The following GRIP2 variants were observed in gnomAD, a reference collection of about 807,000 sequenced individuals.
GRIP2 encodes glutamate receptor interacting protein 2, also known as glutamate receptor-interacting protein 2.
GRIP2 carries 58 observed loss-of-function variants against 108.3 expected under a neutral mutation model. The observed-to-expected ratio is 0.54, with a 90% CI of 0.43 to 0.67. The LOEUF (loss-of-function observed/expected upper bound fraction) is 0.67, where lower values mean the gene tolerates loss of function less well. Among genes scored for constraint, GRIP2 ranks in the 30% least tolerant of loss-of-function variants. GRIP2 has a pLI of 0.00. For missense variants in GRIP2, 1,278 were observed against 1,430.6 expected (o/e 0.89, Z 1.72); for synonymous variants, 586 against 598.2 (o/e 0.98, Z 0.30).
intron 1 of GRIP2, among the ~76,000 whole-genome samples, chr3:14,530,316 C>T (rs544179632): frequency 5.9e-5 from 9 of 152,318 alleles, no homozygotes; most frequent in East Asian, 1.9e-4. Context: ...GGCTACCAGA[C>T]GCACAAACAT....
intron 23 of GRIP2, 97 bp from the exon 24 acceptor site, chr3:14,493,923 C>T (rs1693491235): frequency 7.3e-7 from 1 of 1,363,212 alleles, no homozygotes; most frequent in African/African-American, 1.5e-5. Flanking sequence ...TGGGTCCTGC[C>T]CCAGCCTTGA....
At chr3:14,579,973 C>T in the GRIP2 span, among the ~76,000 whole-genome samples, 1 of 152,220 alleles carries the variant, frequency 6.6e-6, no homozygotes, top group Non-Finnish European at 1.5e-5. Context: ...CTGTCCATCA[C>T]ATGGGTAACA....
At chr3:14,569,929 C>T in the GRIP2 span, among the ~76,000 whole-genome samples, 57 of 152,234 alleles carry the variant, frequency 3.7e-4, no homozygotes, top group East Asian at 0.011. Context: ...TTAACTCTCA[C>T]AAAAACCTTT....
At chr3:14,555,274 C>T (rs2124985460) in intron 1 of GRIP2, among the ~76,000 whole-genome samples, 1 of 152,120 alleles carries the variant, frequency 6.6e-6, no homozygotes, top group East Asian at 1.9e-4. Context: ...TCCCACCCCT[C>T]CTCCCCCACA....
At chr3:14,550,671 T>A (rs1695132546) in intron 1 of GRIP2, among the ~76,000 whole-genome samples, 1 of 152,152 alleles carries the variant, frequency 6.6e-6, no homozygotes, top group Non-Finnish European at 1.5e-5. Flanking sequence ...GCTTGCGGTC[T>A]TTAGGGGCTG....
At chr3:14,523,118 C>T (rs1694458714) in intron 5 of GRIP2, 43 bp from the exon 6 acceptor site, 1 of 1,486,350 alleles carries the variant, frequency 6.7e-7, no homozygotes, top group Admixed American at 1.8e-5. Context: ...CCACCCACCC[C>T]TTCCCATCCA....
chr3:14,513,634 T>C, intron 13 of GRIP2, 31 bp downstream of exon 13: 2 of 1,585,264 alleles, frequency 1.3e-6, no homozygotes, highest in African/African-American at 1.3e-5. Context: ...GGCCCTGAAA[T>C]ATGAGGAGGA....
At position 14,517,119 on chromosome 3, in the gene GRIP2, AC is replaced by A; in HGVS notation, c.1250del (p.Ser417IlefsTer22). The A allele has an allele frequency of 6.2e-7, 1 of 1,609,030 alleles. No homozygotes were observed. Among genetic ancestry groups the A allele is most frequent in the Non-Finnish European group, 8.5e-7 (1 of 1,178,022 alleles). On this transcript the variant is annotated frameshift_variant, in exon 11 of 24. Coordinates refer to ENST00000621039, the MANE Select transcript of GRIP2 (RefSeq NM_001080423.4). LOFTEE classifies it high-confidence loss of function. ...STLPRGSQPMSPRTTMGRRRQ... is the reference protein window; with the variant it reads ...STLPRGSQPMXPRTTMGRRRQ... ...TCCTCCGCCCCATTGTAGTTCGAGG[AC>A]TCATGGGCTGGGATCCACGGGGAAG...
Position 14,514,302 on chromosome 3 carries a change from G to T in GRIP2, c.1483C>A (p.Pro495Thr). The change falls in exon 12 of 24, where the codon CCG (proline) becomes ACG (threonine). Residue 495 changes from proline (P) to threonine (T), a missense_variant. Physicochemically the swap from Pro to Thr is conservative, Grantham distance 38. Transcript: ENST00000621039. Reference sequence around the variant, plus strand: ...GGGCAGGAGGCTCACCTCTCAGCCGGACTGTCAGGCTCGATGAAGCACACG... The same window carrying T: ...GGGCAGGAGGCTCACCTCTCAGCCGTACTGTCAGGCTCGATGAAGCACACG... ...PLVCFIEPDSPAERCGLLQVG... is the reference protein window; with the variant it reads ...PLVCFIEPDSTAERCGLLQVG... The T allele has an allele frequency of 6.4e-7, 1 of 1,561,812 alleles. No homozygotes were observed. The highest frequency in any genetic ancestry group is 8.7e-7 in the Non-Finnish European group (1 of 1,153,774).
At chr3:14,573,496 G>T in the GRIP2 span, 1 of 1,547,118 alleles carries the variant, frequency 6.5e-7, no homozygotes, top group Non-Finnish European at 8.9e-7. Flanking sequence ...AAAGGCAGGA[G>T]CCCACACACA....
chr3:14,556,924 A>C (rs1177126918), upstream of GRIP2, among the ~76,000 whole-genome samples: 1 of 152,204 alleles, frequency 6.6e-6, no homozygotes, highest in Non-Finnish European at 1.5e-5. Context: ...TCTCTCTACC[A>C]AGGCAGGTGT....
intron 1 of GRIP2, among the ~76,000 whole-genome samples, chr3:14,534,548 TC>T (rs1216057031): frequency 6.6e-6 from 1 of 151,956 alleles, no homozygotes; most frequent in Non-Finnish European, 1.5e-5. Flanking sequence ...CCCTGTCTCC[TC>T]CTTCCAGCAA....
At chr3:14,564,396 C>T in the GRIP2 span, among the ~76,000 whole-genome samples, 1 of 152,238 alleles carries the variant, frequency 6.6e-6, no homozygotes, top group South Asian at 2.1e-4. Context: ...CACGGCAGTG[C>T]CGGCCACCTC....
the GRIP2 span, among the ~76,000 whole-genome samples, chr3:14,585,135 C>T: frequency 2.0e-5 from 3 of 152,330 alleles, no homozygotes; most frequent in African/African-American, 7.2e-5. Flanking sequence ...AACGATTCTC[C>T]TGTCTGTCTC....
At chr3:14,579,433 C>T in the GRIP2 span, among the ~76,000 whole-genome samples, 74 of 152,238 alleles carry the variant, frequency 4.9e-4, no homozygotes, top group African/African-American at 1.8e-3. Flanking sequence ...TAAAAATGTC[C>T]CTGAGGCAAC....
intron 1 of GRIP2, among the ~76,000 whole-genome samples, chr3:14,548,598 C>T (rs1024122427): frequency 6.6e-6 from 1 of 152,232 alleles, no homozygotes; most frequent in African/African-American, 2.4e-5. Flanking sequence ...TCCCACCACC[C>T]ACCCATGGAT....
the GRIP2 span, among the ~76,000 whole-genome samples, chr3:14,601,744 C>T: frequency 6.6e-6 from 1 of 152,238 alleles, no homozygotes; most frequent in Admixed American, 6.5e-5. Context: ...CTCTCTCCGT[C>T]TTCCTCCACC....
chr3:14,530,638 G>GC (rs1375518118), intron 1 of GRIP2, among the ~76,000 whole-genome samples: 5 of 152,086 alleles, frequency 3.3e-5, no homozygotes, highest in Non-Finnish European at 5.9e-5. Flanking sequence ...AAATTGGATT[G>GC]TTTTTCAAAT....
chr3:14,523,800 A>AGGT, intron 4 of GRIP2, 102 bp from the exon 5 acceptor site: 2 of 793,050 alleles, frequency 2.5e-6, no homozygotes, highest in Non-Finnish European at 2.2e-6. Context: ...TCAGTCACAG[A>AGGT]GATTACAGGG....
Sources: allele counts gnomAD v4.1 joint callset (sites outside exome capture counted in the v4.1 genomes callset), GRCh38; gene constraint gnomAD v4.1.1; transcripts MANE v1.5; gene names NCBI Gene and HGNC (gene_info 2026-07-23, HGNC 2026-07-21).